The following CORO2A variants were observed in gnomAD, a reference collection of about 807,000 sequenced individuals.
CORO2A encodes the protein coronin 2A.
In CORO2A, 47 loss-of-function variants were observed where a neutral mutation model predicts 62.4. The observed-to-expected ratio is 0.75, with a 90% confidence interval of 0.60 to 0.96. The LOEUF (loss-of-function observed/expected upper bound fraction) is 0.96. Among genes scored for constraint, CORO2A ranks in the 40% least tolerant of loss-of-function variants. CORO2A has a pLI of 0.00. For missense variants in CORO2A, 610 were observed against 684.1 expected (o/e 0.89, Z 1.21); for synonymous variants, 273 against 268.9 (o/e 1.02, Z -0.15).
intron 3 of CORO2A, among the ~76,000 whole-genome samples, chr9:98,135,219 C>T (rs1827469884): frequency 1.3e-5 from 2 of 152,162 alleles, no homozygotes; most frequent in Non-Finnish European, 1.5e-5. Context: ...CAAATCTGCC[C>T]TTGAGAGATC....
Position 98,122,568 on chromosome 9 carries a change from C to G in CORO2A, c.*2206G>C, listed in dbSNP as rs963109347. 6.6e-6 allele frequency: 1 copy of G among 152,128 alleles called. No homozygotes were observed. Among genetic ancestry groups the G allele is most frequent in the Non-Finnish European group, 1.5e-5 (1 of 68,024 alleles). The allele number at this position is 152,128 out of a possible 1,614,324, so 9.4% of individuals were successfully genotyped here. ...GACCACTGAACTTTAGAGTAGGGCT[C>G]GGAACACAGATTCACTAAGGAGGGA... On this transcript the variant is annotated 3_prime_UTR_variant, in exon 12 of 12. Coordinates refer to ENST00000375077, the MANE Select transcript of CORO2A (RefSeq NM_052820.4).
At chr9:98,178,230 T>C (rs548428170) in intron 1 of CORO2A, among the ~76,000 whole-genome samples, 1 of 152,182 alleles carries the variant, frequency 6.6e-6, no homozygotes, top group East Asian at 1.9e-4. Flanking sequence ...AACTTTTCCT[T>C]GAGGCGGGGA....
intron 2 of CORO2A, among the ~76,000 whole-genome samples, chr9:98,143,348 C>T (rs887546039): frequency 6.6e-6 from 1 of 152,242 alleles, no homozygotes. Flanking sequence ...AAGGGAGCAG[C>T]TGTTCCTACA....
At chr9:98,184,309 G>A (rs1376601921) in intron 1 of CORO2A, among the ~76,000 whole-genome samples, 1 of 151,576 alleles carries the variant, frequency 6.6e-6, no homozygotes, top group African/African-American at 2.4e-5. Flanking sequence ...CAAAGTGCTG[G>A]GATTACCAGG....
At chr9:98,129,585 G>C (rs1421987457) in intron 8 of CORO2A, among the ~76,000 whole-genome samples, 1 of 152,120 alleles carries the variant, frequency 6.6e-6, no homozygotes, top group East Asian at 1.9e-4. Flanking sequence ...TGCCTCCTCT[G>C]AGAAGCCTTC....
intron 1 of CORO2A, among the ~76,000 whole-genome samples, chr9:98,160,683 C>T (rs985680651): frequency 6.6e-5 from 10 of 152,074 alleles, no homozygotes; most frequent in Non-Finnish European, 1.2e-4. Flanking sequence ...CCGCTCCAGG[C>T]CCCCCCACTC....
At chr9:98,169,209 C>T (rs906449473) in intron 1 of CORO2A, among the ~76,000 whole-genome samples, 6 of 151,932 alleles carry the variant, frequency 3.9e-5, no homozygotes, top group South Asian at 4.1e-4. Flanking sequence ...TCCCCGCCCC[C>T]GCGCCGCCCA....
At position 98,157,442 on chromosome 9, in the gene CORO2A, G is replaced by A; in HGVS notation, c.201+18C>T. The A allele has an allele frequency of 6.2e-7, 1 of 1,613,286 alleles. No individual in the cohort carries two copies. The highest frequency in any genetic ancestry group is 2.2e-5 in the East Asian group (1 of 44,872). The stretch of plus-strand genomic sequence containing the variant: ...GCCCTGCCTCCAGAGAGCTGTTTGG[G>A]CCTGGGGGTGTCCTTACCTGGTGCA... On this transcript the variant is annotated intron_variant, in intron 2 of 11. Coordinates refer to ENST00000375077, the MANE Select transcript of CORO2A (RefSeq NM_052820.4).
chr9:98,179,018 A>T lies in CORO2A; in HGVS notation c.-1+13541T>A, dbSNP rs1828143814. On this transcript the variant is annotated intron_variant, in intron 1 of 11. Transcript: ENST00000375077. The stretch of plus-strand genomic sequence containing the variant: ...ACAAATGGCTGCTAAAAGTGGTCAC[A>T]GTCTAGCTCTTTACCGGTCCTTTTA... Among the ~76,000 whole-genome samples the T allele has an allele frequency of 2.0e-5, 3 of 152,342 alleles. No individual in the cohort carries two copies. In the South Asian group the frequency reaches 6.2e-4, roughly 32 times the overall value.
At chr9:98,146,852 G>A (rs1237899984) in intron 2 of CORO2A, among the ~76,000 whole-genome samples, 1 of 152,192 alleles carries the variant, frequency 6.6e-6, no homozygotes, top group Non-Finnish European at 1.5e-5. Flanking sequence ...ATGTTCATAA[G>A]GTATCAGCAT....
intron 1 of CORO2A, among the ~76,000 whole-genome samples, chr9:98,167,301 A>AGGGT (rs2118900810): frequency 6.6e-6 from 1 of 152,196 alleles, no homozygotes; most frequent in African/African-American, 2.4e-5. Context: ...CCAGGGGCTG[A>AGGGT]GGGTAGGGAG....
intron 11 of CORO2A, among the ~76,000 whole-genome samples, chr9:98,125,558 G>C (rs1587988712): frequency 6.6e-6 from 1 of 152,114 alleles, no homozygotes; most frequent in Non-Finnish European, 1.5e-5. Flanking sequence ...ATCACGTGCT[G>C]TATCAAAGTG....
intron 1 of CORO2A, among the ~76,000 whole-genome samples, chr9:98,169,196 C>T (rs1376833298): frequency 6.6e-6 from 1 of 152,020 alleles, no homozygotes; most frequent in African/African-American, 2.4e-5. Flanking sequence ...CAGGTTTCCG[C>T]CTTCCCCGCC....
intron 2 of CORO2A, among the ~76,000 whole-genome samples, chr9:98,147,313 T>C (rs530993117): frequency 2.0e-5 from 3 of 151,844 alleles, no homozygotes; most frequent in African/African-American, 4.8e-5. Flanking sequence ...GGTTTTAGAA[T>C]TGCATACTGA....
At chr9:98,125,102 G>A (rs972383420) in intron 11 of CORO2A, among the ~76,000 whole-genome samples, 197 bp from the exon 12 acceptor site, 3 of 152,166 alleles carry the variant, frequency 2.0e-5, no homozygotes, top group African/African-American at 7.2e-5. Flanking sequence ...CAAGAAGACT[G>A]GAATGTTTCA....
Position 98,123,779 on chromosome 9 carries a change from C to T in CORO2A, c.*995G>A, listed in dbSNP as rs903544343. ...CAAGCGATTCTCCTGCCTCAGCCTC[C>T]CAAATAGCTGGGATTACAGGCATGC... On this transcript the variant is annotated 3_prime_UTR_variant, in exon 12 of 12. Coordinates refer to ENST00000375077, the MANE Select transcript of CORO2A (RefSeq NM_052820.4). The T allele has an allele frequency of 3.3e-5, 5 of 152,426 alleles. No individual in the cohort carries two copies. Among genetic ancestry groups the T allele is most frequent in the South Asian group, 2.1e-4 (1 of 4,828 alleles). 9.4% of individuals were successfully genotyped at this position (152,426 alleles called of 1,614,324 possible).
intron 4 of CORO2A, 148 bp from the exon 5 acceptor site, chr9:98,133,365 G>T (rs1827438711): frequency 1.4e-6 from 1 of 735,972 alleles, no homozygotes. Context: ...GTGGGAGGAT[G>T]ATGTGCAGGC....
intron 1 of CORO2A, among the ~76,000 whole-genome samples, chr9:98,187,078 G>C (rs943999431): frequency 2.6e-5 from 4 of 152,032 alleles, no homozygotes; most frequent in African/African-American, 9.7e-5. Flanking sequence ...AGGAGATTGA[G>C]GCCATCCTGG....
chr9:98,153,043 G>A (rs1435704884), intron 2 of CORO2A, among the ~76,000 whole-genome samples: 67 of 152,188 alleles, frequency 4.4e-4, no homozygotes, highest in Non-Finnish European at 5.9e-5. Flanking sequence ...CTCGTTCTTA[G>A]AAGATACAGA....
Sources: allele counts gnomAD v4.1 joint callset (sites outside exome capture counted in the v4.1 genomes callset), GRCh38; gene constraint gnomAD v4.1.1; transcripts MANE v1.5; gene names NCBI Gene and HGNC (gene_info 2026-07-23, HGNC 2026-07-21).